Variants in AGAP1 observed in about 807,000 individuals in gnomAD.
AGAP1 encodes ArfGAP with GTPase domain, ankyrin repeat and PH domain 1.
A neutral mutation model predicts 105.3 loss-of-function variants in AGAP1; 29 were observed. The observed-to-expected ratio is 0.28, with a 90% CI of 0.21 to 0.38. AGAP1 has a LOEUF of 0.38. Ranked by LOEUF, AGAP1 falls within the 10% of genes least tolerant of loss-of-function variation. The pLI, the probability that AGAP1 is intolerant of heterozygous loss-of-function variation, is 1.00. For synonymous variants in AGAP1, 509 were observed against 485.9 expected, an observed-to-expected ratio of 1.05 and a Z score of -0.63; for missense variants, 998 against 1,165.1, an observed-to-expected ratio of 0.86 and a Z score of 2.09.
intron 13 of AGAP1, among the ~76,000 whole-genome samples, chr2:235,980,737 G>C (rs371072884): frequency 6.6e-6 from 1 of 152,166 alleles, no homozygotes; most frequent in Middle Eastern, 3.2e-3. Context: ...TGGTCGCTCC[G>C]TGTGACCGTG....
chr2:235,546,129 G>T (rs1024169483), intron 1 of AGAP1, among the ~76,000 whole-genome samples: 1 of 152,194 alleles, frequency 6.6e-6, no homozygotes, highest in African/African-American at 2.4e-5. Flanking sequence ...AAGGATGGGG[G>T]ACAGCTGTCA....
At chr2:235,868,561 T>C (rs765590352) in intron 9 of AGAP1, among the ~76,000 whole-genome samples, 94 of 152,278 alleles carry the variant, frequency 6.2e-4, no homozygotes, top group Non-Finnish European at 1.2e-3. Context: ...ATGATCCCTG[T>C]GCGAGCAGAG....
intron 1 of AGAP1, among the ~76,000 whole-genome samples, chr2:235,554,742 A>G (rs1943920505): frequency 6.6e-6 from 1 of 152,000 alleles, no homozygotes; most frequent in Admixed American, 6.6e-5. Context: ...GCAGTGGCGC[A>G]GTCTTGGCTC....
At chr2:235,676,634 C>T (rs1423710716) in intron 1 of AGAP1, among the ~76,000 whole-genome samples, 1 of 152,190 alleles carries the variant, frequency 6.6e-6, no homozygotes, top group Non-Finnish European at 1.5e-5. Flanking sequence ...CAACACTAAA[C>T]ATAAAACAGG....
At position 235,904,709 on chromosome 2, in the gene AGAP1, G is replaced by T. The variant is rs2051220554; in HGVS notation, c.1156-4029G>T. ...CCCCTTGACTTCTACGGAGGACATTGTTTAGTGGTTGTAGCTTTAATTCCT... is the reference window on the plus strand; with the variant it reads ...CCCCTTGACTTCTACGGAGGACATTTTTTAGTGGTTGTAGCTTTAATTCCT... On this transcript the variant is annotated intron_variant, in intron 10 of 17. Coordinates refer to ENST00000304032, the MANE Select transcript of AGAP1 (RefSeq NM_001037131.3). The surrounding 1 kb of genome is among the most constrained non-coding windows in gnomAD (Gnocchi z 4.2). Among the ~76,000 whole-genome samples, 1 of 152,124 alleles carries T rather than the reference G, an allele frequency of 6.6e-6. No individual in the cohort carries two copies. The highest frequency in any genetic ancestry group is 6.6e-5 in the Admixed American group (1 of 15,264).
At chr2:235,938,043 G>A (rs1422221756) in intron 12 of AGAP1, among the ~76,000 whole-genome samples, 1 of 152,246 alleles carries the variant, frequency 6.6e-6, no homozygotes, top group Admixed American at 6.5e-5. Flanking sequence ...CCAGAGCAGT[G>A]CCTGATCCTC....
intron 9 of AGAP1, among the ~76,000 whole-genome samples, chr2:235,839,065 A>G (rs1200295380): frequency 6.6e-6 from 1 of 152,214 alleles, no homozygotes; most frequent in Non-Finnish European, 1.5e-5. Context: ...ACTCTGTCGG[A>G]TATTTCATGT....
chr2:236,040,781 G>T lies in AGAP1; in HGVS notation c.1831G>T (p.Ala611Ser). 6.2e-7 allele frequency: 1 copy of T among 1,613,744 alleles called. No individual in the cohort carries two copies. The highest frequency in any genetic ancestry group is 8.5e-7 in the Non-Finnish European group (1 of 1,180,036). The change falls in exon 15 of 18, where the codon GCC becomes TCC. Residue 611 changes from alanine (A) to serine (S), a missense_variant. Ala to Ser is a moderately conservative substitution (Grantham distance 99). Transcript: ENST00000304032. The surrounding 1 kb of genome is among the most constrained non-coding windows in gnomAD (Gnocchi z 5.6). ...SRLTSQSEAM[A>S]LQSIRNMRGN... Reference sequence around the variant, plus strand: ...GCTGACGAGCCAGAGCGAGGCCATGGCCCTGCAGTCGATCCGGAACATGCG... The same window carrying T: ...GCTGACGAGCCAGAGCGAGGCCATGTCCCTGCAGTCGATCCGGAACATGCG...
Position 235,788,208 on chromosome 2 carries a change from G to T in AGAP1, c.674-9551G>T, listed in dbSNP as rs977948059. Among the ~76,000 whole-genome samples, 1 of 151,874 alleles carries T rather than the reference G, an allele frequency of 6.6e-6. No homozygotes were observed. Among genetic ancestry groups the T allele is most frequent in the African/African-American group, 2.4e-5 (1 of 41,156 alleles). The stretch of plus-strand genomic sequence containing the variant: ...GCAGAGTGCCATACTGGGACCCTAC[G>T]GTACAGCCAGCCGGAGACACAGGGT... On this transcript the variant is annotated intron_variant, in intron 6 of 17. Transcript: ENST00000304032. The surrounding 1 kb of genome is among the most constrained non-coding windows in gnomAD (Gnocchi z 6.0).
chr2:235,651,857 G>A (rs928619574), intron 1 of AGAP1, among the ~76,000 whole-genome samples: 2 of 152,196 alleles, frequency 1.3e-5, no homozygotes, highest in Admixed American at 1.3e-4. Context: ...TTCCAGAAAG[G>A]ATAAAGCGGT....
intron 1 of AGAP1, among the ~76,000 whole-genome samples, chr2:235,606,320 A>G (rs1179817433): frequency 6.6e-6 from 1 of 152,196 alleles, no homozygotes; most frequent in East Asian, 1.9e-4. Context: ...CCGATCATGT[A>G]TCTGTTTTTA....
chr2:235,761,005 T>C (rs1295585597), intron 6 of AGAP1, among the ~76,000 whole-genome samples: 1 of 152,196 alleles, frequency 6.6e-6, no homozygotes, highest in Admixed American at 6.5e-5. Context: ...TTGTGCTCCA[T>C]ACGCTACAGA....
Position 236,124,031 on chromosome 2 carries a change from A to T in AGAP1, c.2483A>T (p.Asp828Val), listed in dbSNP as rs749087745. 7.4e-6 allele frequency: 12 copies of T among 1,613,894 alleles called. No individual in the cohort carries two copies. Among genetic ancestry groups the T allele is most frequent in the Non-Finnish European group, 3.4e-6 (4 of 1,179,992 alleles). ...GTGCTGCTGCAGTACGGCTGCCCCGACGAGCGCTTCGTGCTCATGGCCACC... is the reference window on the plus strand; with the variant it reads ...GTGCTGCTGCAGTACGGCTGCCCCGTCGAGCGCTTCGTGCTCATGGCCACC... ...IDVLLQYGCP[D>V]ERFVLMATPN... Residue 828 changes from aspartate to valine, a missense_variant, in exon 18 of 18, where the codon GAC becomes GTC. Asp to Val is a radical substitution (Grantham distance 152, BLOSUM62 -3). Coordinates refer to ENST00000304032, the MANE Select transcript of AGAP1 (RefSeq NM_001037131.3). The surrounding 1 kb of genome is among the most constrained non-coding windows in gnomAD (Gnocchi z 5.1).
intron 11 of AGAP1, among the ~76,000 whole-genome samples, chr2:235,914,982 G>A (rs2051802119): frequency 6.6e-6 from 1 of 152,198 alleles, no homozygotes; most frequent in South Asian, 2.1e-4. Flanking sequence ...AACATCCTCA[G>A]TCTCAGAAGA....
At chr2:235,851,280 G>A (rs560572814) in intron 9 of AGAP1, among the ~76,000 whole-genome samples, 1 of 152,330 alleles carries the variant, frequency 6.6e-6, no homozygotes, top group Non-Finnish European at 1.5e-5. Flanking sequence ...CTGCTCGGTC[G>A]GAGCTGGGAG....
chr2:235,572,972 C>G (rs1029713084), intron 1 of AGAP1, among the ~76,000 whole-genome samples: 5 of 143,284 alleles, frequency 3.5e-5, no homozygotes, highest in African/African-American at 1.1e-4. Context: ...ATTGCTCCAT[C>G]TTTTTTCTTC....
At position 235,983,182 on chromosome 2, in the gene AGAP1, G is replaced by A. The variant is rs966616727; in HGVS notation, c.1645+14559G>A. Among the ~76,000 whole-genome samples, 3 of 152,156 alleles carry A rather than the reference G, an allele frequency of 2.0e-5. No individual in the cohort carries two copies. Among genetic ancestry groups the A allele is most frequent in the Admixed American group, 6.5e-5 (1 of 15,286 alleles). On this transcript the variant is annotated intron_variant, in intron 13 of 17. Transcript: ENST00000304032. The surrounding 1 kb of genome is among the most constrained non-coding windows in gnomAD (Gnocchi z 4.5). ...CCCCAGAGAAGGGACAGGATGGGGGGTTATGGAAGTGCCCAGCAAGGGGAG... is the reference window on the plus strand; with the variant it reads ...CCCCAGAGAAGGGACAGGATGGGGGATTATGGAAGTGCCCAGCAAGGGGAG...
intron 1 of AGAP1, among the ~76,000 whole-genome samples, chr2:235,527,755 T>A: frequency 6.6e-6 from 1 of 152,154 alleles, no homozygotes; most frequent in Non-Finnish European, 1.5e-5. Context: ...TGGAAAAAAA[T>A]GCCCACAGCC....
chr2:236,049,129 T>C lies in AGAP1; in HGVS notation c.1962T>C (p.Leu654=), dbSNP rs200722075. Residue 654 remains leucine (L), a synonymous_variant, in exon 16 of 18, where the codon CTT becomes CTC. Transcript: ENST00000304032. The part of the protein sequence containing the change: ...CIECSGIHRN[L]GTHLSRVRSL... ...AATGCTCAGGGATCCACCGGAATCT[T>C]GGCACCCACCTTTCCCGAGTCCGAT... The C allele has an allele frequency of 3.7e-6, 6 of 1,614,240 alleles. No individual in the cohort carries two copies. In the Admixed American group the frequency reaches 1.0e-4, roughly 27 times the overall value.
Sources: allele counts gnomAD v4.1 joint callset (sites outside exome capture counted in the v4.1 genomes callset), GRCh38; gene constraint gnomAD v4.1.1; non-coding constraint Gnocchi (gnomAD v3.1); transcripts MANE v1.5; gene names NCBI Gene and HGNC (gene_info 2026-07-23, HGNC 2026-07-21).